SRGAP3: variants seen among roughly 807,000 people sequenced by gnomAD.
SRGAP3 encodes the protein SLIT-ROBO Rho GTPase-activating protein 3.
A neutral mutation model predicts 121.1 loss-of-function variants in SRGAP3; 39 were observed. The ratio of observed to expected loss-of-function variants is 0.32; its 90% CI spans 0.25 to 0.42. SRGAP3 has a LOEUF of 0.42. SRGAP3 is among the 10% of genes least tolerant of loss of function. The pLI, the probability that SRGAP3 is intolerant of heterozygous loss-of-function variation, is 1.00. For missense variants in SRGAP3, 1,213 were observed against 1,470.6 expected, an observed-to-expected ratio of 0.82 and a Z score of 2.86; for synonymous variants, 601 against 570.0, an observed-to-expected ratio of 1.05 and a Z score of -0.77.
At chr3:9,198,374 AT>A in intron 1 of SRGAP3, among the ~76,000 whole-genome samples, 1 of 152,330 alleles carries the variant, frequency 6.6e-6, no homozygotes, top group East Asian at 1.9e-4. Context: ...AGGCTGTTCA[AT>A]TCCCACATGC....
At chr3:9,083,150 CT>C (rs899957382) in intron 3 of SRGAP3, among the ~76,000 whole-genome samples, 4 of 152,232 alleles carry the variant, frequency 2.6e-5, no homozygotes, top group African/African-American at 7.2e-5. Flanking sequence ...GCCCCTCCCC[CT>C]GATGTTTCCC....
At chr3:9,269,145 G>A (rs1954426820) in intron 3 of SRGAP3, among the ~76,000 whole-genome samples, 1 of 152,188 alleles carries the variant, frequency 6.6e-6, no homozygotes, top group Admixed American at 6.5e-5. Context: ...CTTGCAGGAT[G>A]AATAGAAAGC....
At position 9,019,990 on chromosome 3, in the gene SRGAP3, A is replaced by C. The variant is rs537415256; in HGVS notation, c.1679-4259T>G. ...CACCTGTATTCACACAGCACTTCTC[A>C]AGTGAGAAGCACATTTGTACATACG... On this transcript the variant is annotated intron_variant, in intron 14 of 21. Coordinates refer to ENST00000383836, the MANE Select transcript of SRGAP3 (RefSeq NM_014850.4). 7.9e-4 allele frequency among the ~76,000 whole-genome samples: 121 copies of C among 152,340 alleles called. 2 individuals are homozygous for C. In the South Asian group the frequency reaches 0.024, roughly 30 times the overall value.
chr3:9,247,599 G>C (rs768436338), intron 1 of SRGAP3, among the ~76,000 whole-genome samples: 4 of 152,182 alleles, frequency 2.6e-5, no homozygotes, highest in Non-Finnish European at 4.4e-5. Flanking sequence ...CAGCTCCCTG[G>C]GTCATTGGGT....
chr3:9,027,236 C>A (rs1019607282), intron 12 of SRGAP3, among the ~76,000 whole-genome samples: 2 of 152,220 alleles, frequency 1.3e-5, no homozygotes, highest in South Asian at 2.1e-4. Context: ...TCTTACCCAA[C>A]TGGAAAGGAA....
intron 1 of SRGAP3, among the ~76,000 whole-genome samples, chr3:9,360,102 A>G (rs1010711453): frequency 2.6e-5 from 4 of 152,058 alleles, no homozygotes; most frequent in African/African-American, 7.2e-5. Context: ...GCTACTTTCT[A>G]AATTTTTTGT....
At chr3:9,261,978 C>A (rs1159016067) in intron 3 of SRGAP3, among the ~76,000 whole-genome samples, 1 of 151,320 alleles carries the variant, frequency 6.6e-6, no homozygotes, top group African/African-American at 2.4e-5. Context: ...GGGTTACCTA[C>A]AAAGGGAAGC....
intron 1 of SRGAP3, among the ~76,000 whole-genome samples, chr3:9,148,229 G>A (rs778177168): frequency 2.0e-5 from 3 of 152,162 alleles, no homozygotes; most frequent in Admixed American, 6.5e-5. Flanking sequence ...CAGAAACGCC[G>A]GCTTTTATTT....
chr3:9,031,780 T>G (rs1325304623), intron 12 of SRGAP3, among the ~76,000 whole-genome samples: 1 of 152,208 alleles, frequency 6.6e-6, no homozygotes, highest in Non-Finnish European at 1.5e-5. Context: ...TCCTGATTGA[T>G]ATCTATCATC....
At chr3:9,096,494 A>C (rs1485317264) in intron 3 of SRGAP3, among the ~76,000 whole-genome samples, 1 of 152,200 alleles carries the variant, frequency 6.6e-6, no homozygotes, top group Admixed American at 6.5e-5. Context: ...AGCAAGTGTG[A>C]CTTGCTCTTG....
intron 18 of SRGAP3, among the ~76,000 whole-genome samples, chr3:9,000,916 C>T (rs1942720553): frequency 6.6e-6 from 1 of 152,176 alleles, no homozygotes; most frequent in African/African-American, 2.4e-5. Context: ...GAGAACCCTA[C>T]CAAAACCACT....
At chr3:9,206,972 G>T (rs1313139673) in intron 1 of SRGAP3, among the ~76,000 whole-genome samples, 1 of 152,172 alleles carries the variant, frequency 6.6e-6, no homozygotes, top group Non-Finnish European at 1.5e-5. Context: ...GCACATAGTA[G>T]ATGCTCAGTA....
intron 2 of SRGAP3, among the ~76,000 whole-genome samples, chr3:9,112,295 G>T (rs1277878818): frequency 1.3e-5 from 2 of 152,202 alleles, no homozygotes; most frequent in African/African-American, 4.8e-5. Context: ...TTGCGTCCGA[G>T]AAATGCTAAC....
At chr3:9,010,873 G>A (rs149004274) in intron 17 of SRGAP3, among the ~76,000 whole-genome samples, 7 of 152,286 alleles carry the variant, frequency 4.6e-5, no homozygotes, top group African/African-American at 9.6e-5. Flanking sequence ...CAAAAGCCCC[G>A]ACTGATGCAG....
At chr3:9,039,421 T>A (rs1944917894) in intron 10 of SRGAP3, among the ~76,000 whole-genome samples, 1 of 152,242 alleles carries the variant, frequency 6.6e-6, no homozygotes, top group Non-Finnish European at 1.5e-5. Flanking sequence ...TATGTCCAGA[T>A]CTTACGCTTC....
At chr3:9,229,341 T>C (rs1204965597) in intron 1 of SRGAP3, among the ~76,000 whole-genome samples, 1 of 152,144 alleles carries the variant, frequency 6.6e-6, no homozygotes, top group Non-Finnish European at 1.5e-5. Flanking sequence ...GTCGTCTAGC[T>C]GGTCCCTATA....
intron 4 of SRGAP3, among the ~76,000 whole-genome samples, chr3:9,071,876 C>G (rs1210487945): frequency 6.6e-6 from 1 of 151,986 alleles, no homozygotes; most frequent in Non-Finnish European, 1.5e-5. Context: ...AGTCAAAATA[C>G]AGTATAGAAG....
chr3:9,274,945 G>C (rs1954543793), intron 3 of SRGAP3, among the ~76,000 whole-genome samples: 1 of 151,872 alleles, frequency 6.6e-6, no homozygotes, highest in African/African-American at 2.4e-5. Flanking sequence ...GGATGGAGGG[G>C]TGAGACAGGC....
intron 10 of SRGAP3, among the ~76,000 whole-genome samples, chr3:9,045,365 C>T (rs1009723697): frequency 1.6e-4 from 25 of 151,780 alleles, no homozygotes; most frequent in East Asian, 7.9e-4. Flanking sequence ...ATGCATTTTC[C>T]GGGAGGTTTT....
Sources: gnomAD v4.1 joint callset for allele counts (sites outside exome capture counted in the v4.1 genomes callset) on GRCh38, gnomAD v4.1.1 for gene constraint, MANE v1.5 for transcripts, NCBI Gene and HGNC (gene_info 2026-07-23, HGNC 2026-07-21) for gene names.